Variants in COL7A1 observed in about 807,000 individuals in gnomAD.
COL7A1 encodes collagen type VII alpha 1 chain.
Under a neutral mutation model 456.2 loss-of-function variants are expected in COL7A1, and 296 were observed. The observed-to-expected ratio is 0.65, with a 90% CI of 0.59 to 0.71. The LOEUF (loss-of-function observed/expected upper bound fraction) is 0.71. Ranked by LOEUF, COL7A1 falls within the 30% of genes least tolerant of loss-of-function variation. COL7A1 has a pLI of 0.00. For missense variants in COL7A1, 3,441 were observed against 4,017.2 expected, an observed-to-expected ratio of 0.86 and a Z score of 3.88; for synonymous variants, 1,464 against 1,525.9, an observed-to-expected ratio of 0.96 and a Z score of 0.95.
Position 48,565,956 on chromosome 3 carries a change from T to G in COL7A1, c.8408-288A>C, listed in dbSNP as rs1323783513. On this transcript the variant is annotated intron_variant, in intron 114 of 118. Transcript: ENST00000681320. This position sits in a 1 kb window ranked among gnomAD's most constrained non-coding sequence, Gnocchi z 4.5. ...GCAGACAGAGACGGGAAGAGACAGC[T>G]TCACTCTGATGCCCCTCCCACCGGG... is the stretch of plus-strand genomic sequence containing the variant. Among the ~76,000 whole-genome samples the G allele has an allele frequency of 6.6e-6, 1 of 151,964 alleles. No individual in the cohort carries two copies. The highest frequency in any genetic ancestry group is 2.4e-5 in the African/African-American group (1 of 41,368).
rs778250514 is a variant in COL7A1 at position 48,575,425 on chromosome 3, G to C, written c.6094C>G (p.Leu2032Val). The C allele has an allele frequency of 6.2e-7, 1 of 1,610,066 alleles. No individual in the cohort carries two copies. Among genetic ancestry groups the C allele is most frequent in the Non-Finnish European group, 8.5e-7 (1 of 1,178,914 alleles). The stretch of plus-strand genomic sequence containing the variant: ...CCAGGCTTTCCAGGCTCCCCGGCAA[G>C]GCCGGAAGGCCCGGGGGGGCCCCTC... The part of the protein sequence containing the change: ...GERGPPGPSG[L>V]AGEPGKPGIP... Residue 2032 changes from leucine (L) to valine (V), a missense_variant, in exon 74 of 119, where the codon CTT becomes GTT. Physicochemically the swap from Leu to Val is conservative, Grantham distance 32 (BLOSUM62 1). Around this residue, in one of 3 missense-constraint regions of COL7A1, gnomAD observed 2,084 missense variants for 2,501.3 expected, o/e 0.83. Transcript: ENST00000681320. This position sits in a 1 kb window ranked among gnomAD's most constrained non-coding sequence, Gnocchi z 6.3.
Position 48,565,025 on chromosome 3 carries a change from A to G in COL7A1, c.8621-45T>C. 1 of 1,613,256 alleles carries G rather than the reference A, an allele frequency of 6.2e-7. No homozygotes were observed. The highest frequency in any genetic ancestry group is 8.5e-7 in the Non-Finnish European group (1 of 1,179,450). On this transcript the variant is annotated intron_variant, in intron 117 of 118. Coordinates refer to ENST00000681320, the MANE Select transcript of COL7A1 (RefSeq NM_000094.4). This position sits in a 1 kb window ranked among gnomAD's most constrained non-coding sequence, Gnocchi z 4.5. Reference sequence around the variant, plus strand: ...TCAGCAGGGTTTGTGGGAATCAGAGAGGGTTGAAAGGTCAGGGGGAGGTCA... The same window carrying G: ...TCAGCAGGGTTTGTGGGAATCAGAGGGGGTTGAAAGGTCAGGGGGAGGTCA...
Position 48,579,146 on chromosome 3 carries a change from A to G in COL7A1, c.5388+51T>C, listed in dbSNP as rs1382185053. 6.2e-7 allele frequency: 1 copy of G among 1,601,192 alleles called. No individual in the cohort carries two copies. Among genetic ancestry groups the G allele is most frequent in the East Asian group, 2.2e-5 (1 of 44,830 alleles). On this transcript the variant is annotated intron_variant, in intron 62 of 118. Coordinates refer to ENST00000681320, the MANE Select transcript of COL7A1 (RefSeq NM_000094.4). The surrounding 1 kb of genome is among the most constrained non-coding windows in gnomAD (Gnocchi z 4.4). ...AATGAGGCTGGGGTCTAGGGTCCTC[A>G]TGTGAAGGGGTAGGGGAAGGGGACA... is the stretch of plus-strand genomic sequence containing the variant.
In COL7A1 at chr3:48,573,752, AG is replaced by A; in HGVS notation, c.6538-28del. 1.2e-6 allele frequency: 2 copies of A among 1,613,768 alleles called. No homozygotes were observed. Among genetic ancestry groups the A allele is most frequent in the East Asian group, 2.2e-5 (1 of 44,870 alleles). On this transcript the variant is annotated intron_variant, in intron 81 of 118. Coordinates refer to ENST00000681320, the MANE Select transcript of COL7A1 (RefSeq NM_000094.4). The surrounding 1 kb of genome is among the most constrained non-coding windows in gnomAD (Gnocchi z 5.5). ...TGTTGTGGCGAAAAAGAGTCTGATG[AG>A]GGGGAGTTAGCCGCACCCCACCAAG...
chr3:48,587,229 C>T lies in COL7A1; in HGVS notation c.3100G>A (p.Gly1034Ser), dbSNP rs751158229. The T allele has an allele frequency of 1.2e-6, 2 of 1,613,514 alleles. No homozygotes were observed. The highest frequency in any genetic ancestry group is 2.2e-5 in the East Asian group (1 of 44,882). ...YIFSLTPVLD[G>S]VRGPEASVTQ... is the part of the protein sequence containing the mutation. ...ACAGATGCCTCAGGACCCCGCACAC[C>T]ATCCAGGACAGGCGTCAGGGAGAAG... Residue 1034 changes from glycine to serine, a missense_variant, in exon 24 of 119, where the codon GGT becomes AGT. By Grantham distance (56) the Gly-to-Ser change is moderately conservative (BLOSUM62 0). Around this residue, in one of 3 missense-constraint regions of COL7A1, gnomAD observed 444 missense variants for 427.6 expected, o/e 1.04. Transcript: ENST00000681320. The surrounding 1 kb of genome is among the most constrained non-coding windows in gnomAD (Gnocchi z 6.1).
At position 48,568,187 on chromosome 3, in the gene COL7A1, C is replaced by T. The variant is rs1187547220; in HGVS notation, c.7795-17G>A. 2 of 1,611,438 alleles carry T rather than the reference C, an allele frequency of 1.2e-6. No individual in the cohort carries two copies. Among genetic ancestry groups the T allele is most frequent in the Non-Finnish European group, 1.7e-6 (2 of 1,179,764 alleles). Reference sequence around the variant, plus strand: ...TGGGGATCCCTAGCAGGGAGAGGGTCCATGTGAGGTCAGAGGAGGTCAGTG... The same window carrying T: ...TGGGGATCCCTAGCAGGGAGAGGGTTCATGTGAGGTCAGAGGAGGTCAGTG... On this transcript the variant is annotated splice_polypyrimidine_tract_variant and intron_variant, in intron 105 of 118. Coordinates refer to ENST00000681320, the MANE Select transcript of COL7A1 (RefSeq NM_000094.4). The surrounding 1 kb of genome is among the most constrained non-coding windows in gnomAD (Gnocchi z 5.2).
chr3:48,568,483 A>T lies in COL7A1; in HGVS notation c.7794+16T>A, dbSNP rs1195112271. The T allele has an allele frequency of 6.3e-7, 1 of 1,599,122 alleles. No homozygotes were observed. Among genetic ancestry groups the T allele is most frequent in the Non-Finnish European group, 8.5e-7 (1 of 1,169,860 alleles). On this transcript the variant is annotated intron_variant, in intron 105 of 118. Transcript: ENST00000681320. The surrounding 1 kb of genome is among the most constrained non-coding windows in gnomAD (Gnocchi z 5.2). The stretch of plus-strand genomic sequence containing the variant: ...TCTGGGGACAGGGGGCCCCTGTGGG[A>T]GCAGGGGCATCTTACCGGGTCACCA...
At position 48,584,806 on chromosome 3, in the gene COL7A1, T is replaced by C. The variant is rs748914036; in HGVS notation, c.4012-37A>G. ...ACAGAGCAGAGGGTGGTGCTTGGGC[T>C]CAGGCGAATGTCAACGTGGGCACTG... On this transcript the variant is annotated intron_variant, in intron 34 of 118. Transcript: ENST00000681320. The C allele has an allele frequency of 1.9e-6, 3 of 1,613,868 alleles. No individual in the cohort carries two copies. In the Admixed American group the frequency reaches 5.0e-5, roughly 27 times the overall value.
In COL7A1 at chr3:48,585,408, C is replaced by G; in HGVS notation, c.3894+149G>C. ...CTGGCCCTTCTATTTCAGAGTGTCC[C>G]CCAAAGTCTCTGTGGTGGTTTATAA... On this transcript the variant is annotated intron_variant, in intron 32 of 118. Transcript: ENST00000681320. This position sits in a 1 kb window ranked among gnomAD's most constrained non-coding sequence, Gnocchi z 4.5. 1 of 968,094 alleles carries G rather than the reference C, an allele frequency of 1.0e-6. No individual in the cohort carries two copies. The highest frequency in any genetic ancestry group is 1.4e-5 in the South Asian group (1 of 73,450). 60.0% of individuals were successfully genotyped at this position (968,094 alleles called of 1,614,324 possible).
chr3:48,593,114 C>G lies in COL7A1; in HGVS notation c.670G>C (p.Val224Leu). The G allele has an allele frequency of 6.2e-7, 1 of 1,614,098 alleles. No homozygotes were observed. The highest frequency in any genetic ancestry group is 1.3e-5 in the African/African-American group (1 of 75,012). ...GGCAGGAACTCACGAGGTCGGGTCACAGGCACGCCACCAGCAGTCGTGCAC... is the reference window on the plus strand; with the variant it reads ...GGCAGGAACTCACGAGGTCGGGTCAGAGGCACGCCACCAGCAGTCGTGCAC... ...RVCTTAGGVP[V>L]TRPPDDSTSA... The change falls in exon 6 of 119, where the codon GTG becomes CTG. Residue 224 changes from valine to leucine, a missense_variant. Val to Leu is a conservative substitution (Grantham distance 32). This residue lies in a region of COL7A1 where 913 missense variants were observed against 1,088.2 expected (regional missense o/e 0.84). Transcript: ENST00000681320. This position sits in a 1 kb window ranked among gnomAD's most constrained non-coding sequence, Gnocchi z 4.4.
In COL7A1 at chr3:48,578,208, G is replaced by T; in HGVS notation, c.5532+113C>A. 1.6e-6 allele frequency: 2 copies of T among 1,227,626 alleles called. No individual in the cohort carries two copies. Among genetic ancestry groups the T allele is most frequent in the Admixed American group, 1.9e-5 (1 of 52,284 alleles). The allele number at this position is 1,227,626 out of a possible 1,614,324, so 76.0% of individuals were successfully genotyped here. On this transcript the variant is annotated intron_variant, in intron 65 of 118. Coordinates refer to ENST00000681320, the MANE Select transcript of COL7A1 (RefSeq NM_000094.4). This position sits in a 1 kb window ranked among gnomAD's most constrained non-coding sequence, Gnocchi z 4.7. The stretch of plus-strand genomic sequence containing the variant: ...TTTCTGGATGCATCTGTATGTCTGG[G>T]CCAGGATGCATGTGTCTACACGTGT...
rs1229076073 is a variant in COL7A1, at chr3:48,569,226, C to T, written c.7686+149G>A. 1.9e-5 allele frequency: 18 copies of T among 969,634 alleles called. 1 individual carries two copies. The Admixed American group carries it at 3.3e-4, about 18-fold the overall frequency. 60.1% of individuals were successfully genotyped at this position (969,634 alleles called of 1,614,324 possible). On this transcript the variant is annotated intron_variant, in intron 103 of 118. Transcript: ENST00000681320. The surrounding 1 kb of genome is among the most constrained non-coding windows in gnomAD (Gnocchi z 4.9). ...CCTTGAGCCCTCCCTAGAGCCCCTC[C>T]TCTCGGCCACTCCATAGTCAGCCAC...
In COL7A1 at chr3:48,590,278, T is replaced by C. The variant is rs139622306; in HGVS notation, c.1985A>G (p.Gln662Arg). The change falls in exon 16 of 119, where the codon CAG becomes CGG. Residue 662 changes from glutamine to arginine, a missense_variant. Transcript: ENST00000681320. The surrounding 1 kb of genome is among the most constrained non-coding windows in gnomAD (Gnocchi z 4.6). The part of the protein sequence containing the change: ...ITGLQPGTTY[Q>R]VAVSVLRGRE... ...GCCTCGCAGTACCGACACAGCCACC[T>C]GGTAGGTGGTTCCAGGCTGCAGCCC... 7.0e-5 allele frequency: 113 copies of C among 1,613,962 alleles called. 1 individual carries two copies. The African/African-American group carries it at 1.2e-3, about 18-fold the overall frequency.
rs1394191975 is a variant in COL7A1, at chr3:48,587,886, C to A, written c.2764G>T (p.Asp922Tyr). The change falls in exon 22 of 119, where the codon GAC (aspartate) becomes TAC (tyrosine). Residue 922 changes from aspartate to tyrosine, a missense_variant. This residue lies in a region of COL7A1 where 444 missense variants were observed against 427.6 expected (regional missense o/e 1.04). Coordinates refer to ENST00000681320, the MANE Select transcript of COL7A1 (RefSeq NM_000094.4). This position sits in a 1 kb window ranked among gnomAD's most constrained non-coding sequence, Gnocchi z 6.1. ...LGPELSSYHL[D>Y]GLEPATQYRV... ...TACTGTGTCGCTGGCTCCAGCCCGT[C>A]CAGGTGATAGCTGCTGAGCTCGGGC... 1 of 1,611,392 alleles carries A rather than the reference C, an allele frequency of 6.2e-7. No individual in the cohort carries two copies. The highest frequency in any genetic ancestry group is 1.1e-5 in the South Asian group (1 of 90,732).
At position 48,593,603 on chromosome 3, in the gene COL7A1, C is replaced by T. The variant is rs557593683; in HGVS notation, c.360G>A (p.Gly120=). 1.9e-6 allele frequency: 3 copies of T among 1,614,190 alleles called. No homozygotes were observed. Among genetic ancestry groups the T allele is most frequent in the East Asian group, 2.2e-5 (1 of 44,880 alleles). Residue 120 remains glycine (G), a synonymous_variant, in exon 4 of 119, where the codon GGG becomes GGA. Coordinates refer to ENST00000681320, the MANE Select transcript of COL7A1 (RefSeq NM_000094.4). The surrounding 1 kb of genome is among the most constrained non-coding windows in gnomAD (Gnocchi z 4.4). ...GGTCAGCCACATGGAGAATTGCAGC[C>T]CCTGTGCGAGTGTTGCCCCCCTTGT... ...LSYKGGNTRT[G]AAILHVADHV...
Position 48,574,133 on chromosome 3 carries a change from G to T in COL7A1, c.6501+129C>A. 4 of 1,249,280 alleles carry T rather than the reference G, an allele frequency of 3.2e-6. No individual in the cohort carries two copies. Among genetic ancestry groups the T allele is most frequent in the South Asian group, 1.2e-5 (1 of 82,754 alleles). 77.4% of individuals were successfully genotyped at this position (1,249,280 alleles called of 1,614,324 possible). ...CACAGACACAGGCACACACAAGCAG[G>T]CACACACAGAGAGGCACACAGACAC... On this transcript the variant is annotated intron_variant, in intron 80 of 118. Transcript: ENST00000681320. The surrounding 1 kb of genome is among the most constrained non-coding windows in gnomAD (Gnocchi z 5.0).
rs984197046 is a variant in COL7A1 at position 48,572,290 on chromosome 3, G to C, written c.6978+90C>G. On this transcript the variant is annotated intron_variant, in intron 90 of 118. Transcript: ENST00000681320. This position sits in a 1 kb window ranked among gnomAD's most constrained non-coding sequence, Gnocchi z 4.6. ...TACTATGAAAGCTGAGGGTCATGAG[G>C]GTGGGTAAACTATGGGTCGAAGGTC... 9.3e-6 allele frequency: 15 copies of C among 1,611,418 alleles called. No homozygotes were observed. The highest frequency in any genetic ancestry group is 1.3e-5 in the Non-Finnish European group (15 of 1,177,644).
In COL7A1 at chr3:48,575,545, G is replaced by A; in HGVS notation, c.5980-6C>T. The A allele has an allele frequency of 3.1e-6, 5 of 1,612,766 alleles. No homozygotes were observed. Among genetic ancestry groups the A allele is most frequent in the Non-Finnish European group, 4.2e-6 (5 of 1,180,006 alleles). Reference sequence around the variant, plus strand: ...CCAGGAAAGCCGATGGGGCCCTGCAGGAGTGGAAGAGAGAATGCTGGTGGC... The same window carrying A: ...CCAGGAAAGCCGATGGGGCCCTGCAAGAGTGGAAGAGAGAATGCTGGTGGC... On this transcript the variant is annotated splice_region_variant and splice_polypyrimidine_tract_variant and intron_variant, in intron 73 of 118. Transcript: ENST00000681320. This position sits in a 1 kb window ranked among gnomAD's most constrained non-coding sequence, Gnocchi z 6.3.
At position 48,569,700 on chromosome 3, in the gene COL7A1, C is replaced by T; in HGVS notation, c.7557+25G>A. The stretch of plus-strand genomic sequence containing the variant: ...AGTCGGGAGCACCCTGGCCCCTGCC[C>T]TGCCCTCCCCATGCCCACACTCACC... On this transcript the variant is annotated intron_variant, in intron 101 of 118. Transcript: ENST00000681320. This position sits in a 1 kb window ranked among gnomAD's most constrained non-coding sequence, Gnocchi z 4.9. 6.2e-7 allele frequency: 1 copy of T among 1,614,170 alleles called. No homozygotes were observed. The highest frequency in any genetic ancestry group is 8.5e-7 in the Non-Finnish European group (1 of 1,180,020).
Sources: gnomAD v4.1 joint callset for allele counts (sites outside exome capture counted in the v4.1 genomes callset) on GRCh38, gnomAD v4.1.1 for gene constraint, gnomAD v4.1.1 regional missense constraint, Gnocchi (gnomAD v3.1) non-coding constraint, MANE v1.5 for transcripts, NCBI Gene and HGNC (gene_info 2026-07-23, HGNC 2026-07-21) for gene names.